The following NEBL variants were observed in gnomAD, a reference collection of about 807,000 sequenced individuals.
The protein encoded by NEBL is nebulette.
In NEBL, 122 loss-of-function variants were observed where a neutral mutation model predicts 140.2. That is an observed-to-expected ratio of 0.87 (90% confidence interval 0.75 to 1.01). The LOEUF (loss-of-function observed/expected upper bound fraction) is 1.01. Among genes scored for constraint, NEBL ranks in the 50% least tolerant of loss-of-function variants. NEBL has a pLI of 0.00. For synonymous variants in NEBL, 436 were observed against 398.9 expected, an observed-to-expected ratio of 1.09 and a Z score of -1.11; for missense variants, 1,365 against 1,231.3, an observed-to-expected ratio of 1.11 and a Z score of -1.62.
intron 3 of NEBL, among the ~76,000 whole-genome samples, chr10:20,983,611 C>T (rs1837138792): frequency 6.6e-6 from 1 of 152,220 alleles, no homozygotes; most frequent in African/African-American, 2.4e-5. Context: ...CCAGTGATAA[C>T]TAGCGCAGTC....
chr10:20,907,031 T>G (rs1245193043), intron 4 of NEBL, among the ~76,000 whole-genome samples: 1 of 152,190 alleles, frequency 6.6e-6, no homozygotes, highest in Admixed American at 6.5e-5. Flanking sequence ...TTTTAAGTGT[T>G]CAATGGTCAG....
At chr10:21,288,212 G>A (rs1356911142) in intron 1 of NEBL, among the ~76,000 whole-genome samples, 1 of 152,250 alleles carries the variant, frequency 6.6e-6, no homozygotes, top group Non-Finnish European at 1.5e-5. Context: ...GCTAACACCT[G>A]TAATCCCAGC....
intron 1 of NEBL, among the ~76,000 whole-genome samples, chr10:21,271,153 T>A (rs563397132): frequency 1.3e-5 from 2 of 152,164 alleles, no homozygotes. Flanking sequence ...ATATATACAA[T>A]GGAATATTAT....
intron 3 of NEBL, among the ~76,000 whole-genome samples, chr10:21,015,342 G>A (rs1041766243): frequency 6.6e-6 from 1 of 152,146 alleles, no homozygotes; most frequent in African/African-American, 2.4e-5. Flanking sequence ...AAATGTCATC[G>A]GAAGAACCAT....
At chr10:20,986,906 A>T (rs1837277673) in intron 3 of NEBL, among the ~76,000 whole-genome samples, 1 of 152,190 alleles carries the variant, frequency 6.6e-6, no homozygotes, top group African/African-American at 2.4e-5. Context: ...TATTTCATTC[A>T]GCTATGGGGA....
intron 3 of NEBL, among the ~76,000 whole-genome samples, chr10:21,016,500 CTA>C (rs1175003926): frequency 6.6e-6 from 1 of 152,144 alleles, no homozygotes; most frequent in African/African-American, 2.4e-5. Context: ...CAGTGGGTAA[CTA>C]TAAATAACTT....
intron 2 of NEBL, among the ~76,000 whole-genome samples, chr10:21,068,278 T>C (rs1433837310): frequency 6.6e-6 from 1 of 152,248 alleles, no homozygotes; most frequent in Non-Finnish European, 1.5e-5. Context: ...AACAGACATC[T>C]GTATTTTGGG....
chr10:21,240,906 A>T (rs1842429370), intron 3 of NEBL, among the ~76,000 whole-genome samples: 1 of 131,892 alleles, frequency 7.6e-6, no homozygotes, highest in East Asian at 2.1e-4. Context: ...ACACGCACAC[A>T]TACACACACA....
Position 20,869,729 on chromosome 10 carries a change from A to G in NEBL, c.582+11T>C. The G allele has an allele frequency of 1.3e-6, 2 of 1,575,376 alleles. No individual in the cohort carries two copies. The highest frequency in any genetic ancestry group is 1.7e-6 in the Non-Finnish European group (2 of 1,144,822). On this transcript the variant is annotated intron_variant, in intron 6 of 27. Transcript: ENST00000377122. ...AATCATTTCCGTTCAAGGTTTAGAAAGAGAAGTTACATTGCTTATGATCTT... is the reference window on the plus strand; with the variant it reads ...AATCATTTCCGTTCAAGGTTTAGAAGGAGAAGTTACATTGCTTATGATCTT...
chr10:20,880,658 C>T (rs567890915), intron 5 of NEBL, 136 bp downstream of exon 5: 284 of 731,474 alleles, frequency 3.9e-4, no homozygotes, highest in Middle Eastern at 5.8e-4. Flanking sequence ...TCAGATGTAC[C>T]TCTGACTGAT....
At chr10:21,222,702 T>C (rs1325546622) in intron 3 of NEBL, among the ~76,000 whole-genome samples, 2 of 152,190 alleles carry the variant, frequency 1.3e-5, no homozygotes, top group African/African-American at 4.8e-5. Flanking sequence ...AAATGGAATA[T>C]CCATCACCTC....
intron 1 of NEBL, among the ~76,000 whole-genome samples, chr10:21,252,006 A>C (rs1842594757): frequency 6.6e-6 from 1 of 152,150 alleles, no homozygotes; most frequent in Non-Finnish European, 1.5e-5. Flanking sequence ...CAGTCCAAGG[A>C]GGGAAGTCAG....
intron 2 of NEBL, among the ~76,000 whole-genome samples, chr10:21,156,935 C>A (rs1840358585): frequency 6.6e-6 from 1 of 152,092 alleles, no homozygotes; most frequent in Non-Finnish European, 1.5e-5. Flanking sequence ...AAAATTTAAA[C>A]CATATTTCTT....
intron 2 of NEBL, among the ~76,000 whole-genome samples, chr10:21,106,071 T>C (rs1287007429): frequency 1.3e-5 from 2 of 152,114 alleles, no homozygotes; most frequent in African/African-American, 4.8e-5. Flanking sequence ...AAGTTCTTTG[T>C]AGATTCTGGA....
intron 2 of NEBL, among the ~76,000 whole-genome samples, chr10:21,148,263 A>C (rs185271864): frequency 6.6e-6 from 1 of 152,318 alleles, no homozygotes; most frequent in Non-Finnish European, 1.5e-5. Context: ...AAACATGTAC[A>C]TTGGTTTCCA....
chr10:21,124,245 T>A (rs906032803), intron 2 of NEBL, among the ~76,000 whole-genome samples: 25 of 152,222 alleles, frequency 1.6e-4, no homozygotes, highest in African/African-American at 5.5e-4. Context: ...TTGATAGAAC[T>A]GTTACTAATA....
chr10:21,218,433 C>A (rs1842026173), intron 3 of NEBL, among the ~76,000 whole-genome samples: 1 of 151,784 alleles, frequency 6.6e-6, no homozygotes, highest in African/African-American at 2.4e-5. Context: ...TTTGAAGACT[C>A]TATGTGATGG....
At chr10:21,239,807 G>C (rs1228247260) in intron 3 of NEBL, among the ~76,000 whole-genome samples, 3 of 151,980 alleles carry the variant, frequency 2.0e-5, no homozygotes, top group Non-Finnish European at 4.4e-5. Context: ...ACAAGGTCAG[G>C]AGATCAAGAC....
intron 4 of NEBL, among the ~76,000 whole-genome samples, chr10:20,885,877 G>A (rs139650432): frequency 9.2e-5 from 14 of 152,316 alleles, no homozygotes; most frequent in Admixed American, 5.9e-4. Context: ...CACCCATGCA[G>A]AACGTTGACA....
Sources: gnomAD v4.1 joint callset for allele counts (sites outside exome capture counted in the v4.1 genomes callset) on GRCh38, gnomAD v4.1.1 for gene constraint, MANE v1.5 for transcripts, NCBI Gene and HGNC (gene_info 2026-07-23, HGNC 2026-07-21) for gene names.